TRIP12: variants seen among roughly 807,000 people sequenced by gnomAD.
TRIP12 encodes the protein E3 ubiquitin-protein ligase TRIP12.
In TRIP12, 25 loss-of-function variants were observed where a neutral mutation model predicts 244.2. That is an observed-to-expected ratio of 0.10 (90% CI 0.07 to 0.14). TRIP12 has a LOEUF of 0.14. TRIP12 is among the 10% of genes least tolerant of loss of function. TRIP12 has a pLI of 1.00. For synonymous variants in TRIP12, 905 were observed against 873.1 expected (o/e 1.04, Z -0.64); for missense variants, 1,677 against 2,486.4 (o/e 0.67, Z 6.92).
chr2:229,873,976 G>T (rs1320973777), intron 2 of TRIP12, among the ~76,000 whole-genome samples: 3 of 151,716 alleles, frequency 2.0e-5, no homozygotes, highest in Non-Finnish European at 4.4e-5. Context: ...CATGGAGAAG[G>T]CAAAGGAAGA....
At chr2:229,777,132 C>T (rs1195261086) in intron 37 of TRIP12, among the ~76,000 whole-genome samples, 183 bp downstream of exon 37, 1 of 152,158 alleles carries the variant, frequency 6.6e-6, no homozygotes, top group Non-Finnish European at 1.5e-5. Flanking sequence ...TTATAGCCTG[C>T]TGTGAGTATA....
In TRIP12 at chr2:229,814,040, T is replaced by A. The variant is rs369778406; in HGVS notation, c.1825-9A>T. On this transcript the variant is annotated splice_polypyrimidine_tract_variant and intron_variant, in intron 12 of 41. Coordinates refer to ENST00000675903, the MANE Select transcript of TRIP12 (RefSeq NM_001348323.3). ...CAGTCTGCCAAACCACCCTAAAATATAGAAAACTGTTAAGGTAAAGAAAAA... is the reference window on the plus strand; with the variant it reads ...CAGTCTGCCAAACCACCCTAAAATAAAGAAAACTGTTAAGGTAAAGAAAAA... 1.3e-6 allele frequency: 2 copies of A among 1,565,910 alleles called. No individual in the cohort carries two copies. Among genetic ancestry groups the A allele is most frequent in the East Asian group, 4.5e-5 (2 of 43,968 alleles).
intron 8 of TRIP12, among the ~76,000 whole-genome samples, chr2:229,827,340 CA>C (rs1475120947): frequency 6.6e-6 from 1 of 151,646 alleles, no homozygotes; most frequent in African/African-American, 2.4e-5. Context: ...TTTTTTACTT[CA>C]TAAACTTTTG....
chr2:229,909,157 G>A (rs920002724), intron 1 of TRIP12, among the ~76,000 whole-genome samples: 7 of 151,166 alleles, frequency 4.6e-5, no homozygotes, highest in African/African-American at 1.7e-4. Context: ...CTTTAAGACT[G>A]TAAACTCCAG....
chr2:229,871,818 T>C (rs1466927446), intron 2 of TRIP12, among the ~76,000 whole-genome samples: 1 of 152,100 alleles, frequency 6.6e-6, no homozygotes, highest in East Asian at 1.9e-4. Flanking sequence ...CAAATGAAAG[T>C]AGTCTTATAG....
chr2:229,779,498 C>T (rs530125654), intron 34 of TRIP12, among the ~76,000 whole-genome samples: 1 of 152,312 alleles, frequency 6.6e-6, no homozygotes, highest in South Asian at 2.1e-4. Context: ...GCATATTTCA[C>T]AGGATGATAA....
chr2:229,893,328 T>C (rs935739840), intron 1 of TRIP12, among the ~76,000 whole-genome samples: 1 of 152,174 alleles, frequency 6.6e-6, no homozygotes, highest in Admixed American at 6.5e-5. Flanking sequence ...AACAACGAAA[T>C]GCCCAAGTGT....
intron 1 of TRIP12, among the ~76,000 whole-genome samples, chr2:229,918,638 T>TA (rs1477990550): frequency 6.6e-6 from 1 of 152,136 alleles, no homozygotes; most frequent in African/African-American, 2.4e-5. Flanking sequence ...GGCATGCTGA[T>TA]ACCAAAAAAA....
chr2:229,873,600 A>G (rs917795803), intron 2 of TRIP12, among the ~76,000 whole-genome samples: 4 of 152,152 alleles, frequency 2.6e-5, no homozygotes, highest in African/African-American at 9.7e-5. Flanking sequence ...GTTAACACAG[A>G]CTTTTCTCTG....
chr2:229,844,011 C>A lies in TRIP12; in HGVS notation c.1028-3084G>T, dbSNP rs114490021. 5.4e-3 allele frequency among the ~76,000 whole-genome samples: 824 copies of A among 151,828 alleles called. 7 individuals are homozygous for A. The highest frequency in any genetic ancestry group is 0.018 in the African/African-American group (751 of 41,404). ...TCAAGGTTTCAGTCTTTCAAAACAG[C>A]GGCAATTTGCAAGGTTTGGCTTTCG... On this transcript the variant is annotated intron_variant, in intron 4 of 41. Transcript: ENST00000675903.
At chr2:229,803,871 A>T in intron 19 of TRIP12, 128 bp downstream of exon 19, 1 of 916,306 alleles carries the variant, frequency 1.1e-6, no homozygotes. Context: ...ATAAATAGAC[A>T]AAAAAGAGCT....
chr2:229,878,783 C>T (rs950239882), intron 2 of TRIP12, among the ~76,000 whole-genome samples: 3 of 151,812 alleles, frequency 2.0e-5, no homozygotes, highest in East Asian at 2.0e-4. Context: ...GGGGTTTCAC[C>T]ATGTTAGCCA....
intron 1 of TRIP12, among the ~76,000 whole-genome samples, chr2:229,897,078 G>A (rs914997639): frequency 3.3e-5 from 5 of 152,190 alleles, no homozygotes; most frequent in African/African-American, 1.2e-4. Flanking sequence ...GTAGAGGAGT[G>A]TACAGGAAAT....
intron 18 of TRIP12, 152 bp downstream of exon 18, chr2:229,805,578 A>T: frequency 3.0e-6 from 2 of 662,360 alleles, no homozygotes; most frequent in Non-Finnish European, 4.7e-6. Context: ...CTCATCCATT[A>T]ATGGACATGA....
rs774720303 is a variant in TRIP12, at chr2:229,791,170, C to T, written c.4497G>A (p.Thr1499=). Residue 1499 remains threonine, a synonymous_variant, in exon 30 of 42, where the codon ACG becomes ACA. Coordinates refer to ENST00000675903, the MANE Select transcript of TRIP12 (RefSeq NM_001348323.3). The stretch of plus-strand genomic sequence containing the variant: ...TTTTTGCATTTCTAGGGGAAGTTTT[C>T]GTTGGAGCTGTTTGGGCTCTTCCTC... ...GKRGRAQTAP[T]KTSPRNAKKH... is the part of the protein sequence containing the mutation. 1.1e-5 allele frequency: 18 copies of T among 1,613,990 alleles called. No individual in the cohort carries two copies. The highest frequency in any genetic ancestry group is 1.7e-5 in the Admixed American group (1 of 59,996).
chr2:229,773,698 T>G (rs1016578789), intron 38 of TRIP12: 1 of 160,396 alleles, frequency 6.2e-6, no homozygotes, highest in African/African-American at 2.4e-5. Context: ...CATAAGTTAG[T>G]AATTTGAAAG....
chr2:229,906,047 G>A (rs140893628), intron 1 of TRIP12, among the ~76,000 whole-genome samples: 4 of 152,316 alleles, frequency 2.6e-5, no homozygotes, highest in African/African-American at 9.6e-5. Flanking sequence ...GCTCACGCCT[G>A]TAATCCCAAC....
At chr2:229,909,464 G>A (rs769343584) in intron 1 of TRIP12, among the ~76,000 whole-genome samples, 4 of 151,884 alleles carry the variant, frequency 2.6e-5, no homozygotes, top group Non-Finnish European at 5.9e-5. Context: ...AGGTTAGGGT[G>A]AGAAGATCGC....
At chr2:229,839,190 T>C (rs925387721) in intron 5 of TRIP12, among the ~76,000 whole-genome samples, 4 of 152,222 alleles carry the variant, frequency 2.6e-5, no homozygotes, top group African/African-American at 9.7e-5. Flanking sequence ...ATGCTTGCCA[T>C]GGTGTTACAA....
Sources: gnomAD v4.1 joint callset for allele counts (sites outside exome capture counted in the v4.1 genomes callset) on GRCh38, gnomAD v4.1.1 for gene constraint, MANE v1.5 for transcripts, NCBI Gene and HGNC (gene_info 2026-07-23, HGNC 2026-07-21) for gene names.